Variants in KIAA1328 observed in about 807,000 individuals in gnomAD.
The protein encoded by KIAA1328 is protein hinderin.
Under a neutral mutation model 68.1 loss-of-function variants are expected in KIAA1328, and 52 were observed. The observed-to-expected ratio is 0.76, with a 90% CI of 0.61 to 0.96. The LOEUF (loss-of-function observed/expected upper bound fraction) is 0.96. KIAA1328 is among the 40% of genes least tolerant of loss of function. The pLI, the probability that KIAA1328 is intolerant of heterozygous loss-of-function variation, is 0.00. For missense variants in KIAA1328, 641 were observed against 677.6 expected, an observed-to-expected ratio of 0.95 and a Z score of 0.60; for synonymous variants, 232 against 239.4, an observed-to-expected ratio of 0.97 and a Z score of 0.28.
intron 7 of KIAA1328, among the ~76,000 whole-genome samples, chr18:37,120,160 G>C (rs781269248): frequency 1.3e-5 from 2 of 152,032 alleles, no homozygotes; most frequent in Non-Finnish European, 2.9e-5. Context: ...AAATGAATCA[G>C]AGGCAGGGGA....
intron 5 of KIAA1328, among the ~76,000 whole-genome samples, chr18:36,926,217 T>G (rs1256549236): frequency 6.6e-6 from 1 of 152,072 alleles, no homozygotes; most frequent in Admixed American, 6.6e-5. Flanking sequence ...CAAGAATAAT[T>G]TATAATTCTT....
intron 4 of KIAA1328, among the ~76,000 whole-genome samples, chr18:36,854,525 A>G (rs975891415): frequency 1.3e-5 from 2 of 152,094 alleles, no homozygotes; most frequent in Non-Finnish European, 2.9e-5. Context: ...TTATTGTTTA[A>G]TATTTGTTCA....
At chr18:37,096,620 A>G (rs900012034) in intron 7 of KIAA1328, among the ~76,000 whole-genome samples, 1 of 152,192 alleles carries the variant, frequency 6.6e-6, no homozygotes, top group African/African-American at 2.4e-5. Context: ...GTCAAATGGT[A>G]TTTCTAGTTC....
intron 5 of KIAA1328, among the ~76,000 whole-genome samples, chr18:36,950,836 A>T (rs2051130655): frequency 6.6e-6 from 1 of 152,202 alleles, no homozygotes. Context: ...TTCTTACCCG[A>T]GGATGATCCT....
At chr18:37,216,208 T>C (rs2060428688) in intron 9 of KIAA1328, among the ~76,000 whole-genome samples, 1 of 152,216 alleles carries the variant, frequency 6.6e-6, no homozygotes, top group African/African-American at 2.4e-5. Context: ...TGTTTGCTCT[T>C]GCTTTTCTAG....
chr18:36,895,890 C>A, intron 5 of KIAA1328: 1 of 404,528 alleles, frequency 2.5e-6, no homozygotes, highest in Non-Finnish European at 5.0e-6. Context: ...CTGTGTGAGG[C>A]CACAGCAAGA....
chr18:36,943,585 T>C (rs1023356585), intron 5 of KIAA1328, among the ~76,000 whole-genome samples: 1 of 152,244 alleles, frequency 6.6e-6, no homozygotes, highest in Non-Finnish European at 1.5e-5. Flanking sequence ...GCATTGTTCA[T>C]TGCTTTTAAG....
At chr18:36,942,895 CT>C (rs998530983) in intron 5 of KIAA1328, among the ~76,000 whole-genome samples, 8 of 152,178 alleles carry the variant, frequency 5.3e-5, no homozygotes, top group African/African-American at 1.9e-4. Context: ...TTTAAAATTT[CT>C]CTACCAATTC....
At chr18:37,098,602 T>G (rs2057492006) in intron 7 of KIAA1328, among the ~76,000 whole-genome samples, 1 of 152,144 alleles carries the variant, frequency 6.6e-6, no homozygotes, top group Non-Finnish European at 1.5e-5. Flanking sequence ...ATGAGTTAGG[T>G]AGGATTCCCT....
chr18:37,200,399 G>C (rs965055312), intron 9 of KIAA1328, among the ~76,000 whole-genome samples: 1 of 152,170 alleles, frequency 6.6e-6, no homozygotes, highest in Admixed American at 6.5e-5. Context: ...GCATTTTATG[G>C]CTTCTTGGTG....
chr18:36,976,401 A>C (rs551299696), intron 6 of KIAA1328, among the ~76,000 whole-genome samples: 1 of 152,330 alleles, frequency 6.6e-6, no homozygotes, highest in South Asian at 2.1e-4. Context: ...TTGCTGAATA[A>C]TTGTGAAACA....
intron 9 of KIAA1328, among the ~76,000 whole-genome samples, chr18:37,211,164 T>C (rs1364811968): frequency 6.6e-6 from 1 of 152,234 alleles, no homozygotes; most frequent in Non-Finnish European, 1.5e-5. Flanking sequence ...CTTCTTTTGC[T>C]TTTGCTTTAG....
At chr18:37,207,477 G>A (rs1232600247) in intron 9 of KIAA1328, among the ~76,000 whole-genome samples, 3 of 152,142 alleles carry the variant, frequency 2.0e-5, no homozygotes, top group Non-Finnish European at 2.9e-5. Context: ...AGTGACCAAG[G>A]TCATGTATAT....
chr18:37,032,311 AC>A (rs1399037626), intron 6 of KIAA1328, among the ~76,000 whole-genome samples: 4 of 152,234 alleles, frequency 2.6e-5, no homozygotes, highest in Non-Finnish European at 5.9e-5. Flanking sequence ...ATTTACTTCT[AC>A]ATGTGTTGTA....
intron 3 of KIAA1328, among the ~76,000 whole-genome samples, chr18:36,841,349 A>C (rs1568062985): frequency 6.6e-6 from 1 of 151,566 alleles, no homozygotes; most frequent in East Asian, 2.0e-4. Flanking sequence ...GAGAGAAAAG[A>C]ATCCTCTTCC....
chr18:37,206,320 G>A (rs2060213952), intron 9 of KIAA1328, among the ~76,000 whole-genome samples: 1 of 152,190 alleles, frequency 6.6e-6, no homozygotes, highest in African/African-American at 2.4e-5. Context: ...TAAGGTGGTA[G>A]GGTTGAGGAC....
At chr18:37,174,787 G>A (rs994364156) in intron 9 of KIAA1328, among the ~76,000 whole-genome samples, 4 of 151,758 alleles carry the variant, frequency 2.6e-5, no homozygotes, top group Non-Finnish European at 5.9e-5. Context: ...TAGAGACGGG[G>A]TTTCACTGTG....
intron 8 of KIAA1328, among the ~76,000 whole-genome samples, chr18:37,163,204 C>G (rs962099743): frequency 6.6e-6 from 1 of 152,176 alleles, no homozygotes; most frequent in Non-Finnish European, 1.5e-5. Context: ...TATGAGAGCC[C>G]TCAAAACTGA....
chr18:37,044,163 A>G (rs926255790), intron 6 of KIAA1328, among the ~76,000 whole-genome samples: 8 of 152,180 alleles, frequency 5.3e-5, no homozygotes, highest in African/African-American at 1.4e-4. Flanking sequence ...GGGAATTCCT[A>G]GACCATTGTT....
Sources: allele counts gnomAD v4.1 joint callset (sites outside exome capture counted in the v4.1 genomes callset), GRCh38; gene constraint gnomAD v4.1.1; transcripts MANE v1.5; gene names NCBI Gene and HGNC (gene_info 2026-07-23, HGNC 2026-07-21).